The following SGCD variants were observed in gnomAD, a reference collection of about 807,000 sequenced individuals.
The protein encoded by SGCD is delta-sarcoglycan.
SGCD carries 18 observed loss-of-function variants against 36.6 expected under a neutral mutation model. The ratio of observed to expected loss-of-function variants is 0.49; its 90% CI spans 0.34 to 0.73. The LOEUF (loss-of-function observed/expected upper bound fraction) is 0.73. SGCD is among the 30% of genes least tolerant of loss of function. The probability of loss-of-function intolerance (pLI) is 0.01; values close to 1 mark genes in which losing one functional copy is unlikely to be tolerated. For missense variants in SGCD, 387 were observed against 346.7 expected (o/e 1.12, Z -0.92); for synonymous variants, 133 against 130.6 (o/e 1.02, Z -0.12).
intron 3 of SGCD, among the ~76,000 whole-genome samples, chr5:156,189,819 T>G (rs1381406639): frequency 1.3e-5 from 2 of 152,216 alleles, no homozygotes; most frequent in Non-Finnish European, 2.9e-5. Flanking sequence ...GACAGGAATT[T>G]TTTTTGAACA....
chr5:156,421,483 G>A (rs1773306084), intron 3 of SGCD, among the ~76,000 whole-genome samples: 1 of 152,068 alleles, frequency 6.6e-6, no homozygotes, highest in African/African-American at 2.4e-5. Flanking sequence ...CCATGGGTCA[G>A]CACAACTGTC....
chr5:155,901,664 C>G lies in SGCD; in HGVS notation c.-282+31240C>G, dbSNP rs566462951. On this transcript the variant is annotated intron_variant, in intron 1 of 9. Transcript: ENST00000517913. ...AAAAAGTTACCTTTAGTTTTTAAAACTGGCCTGACCTCACATATCTGAAAG... is the reference window on the plus strand; with the variant it reads ...AAAAAGTTACCTTTAGTTTTTAAAAGTGGCCTGACCTCACATATCTGAAAG... 2.4e-3 allele frequency among the ~76,000 whole-genome samples: 362 copies of G among 152,314 alleles called. 2 individuals are homozygous for G. The highest frequency in any genetic ancestry group is 1.8e-3 in the Non-Finnish European group (123 of 68,024).
the SGCD span, among the ~76,000 whole-genome samples, chr5:155,755,851 G>T: frequency 2.0e-4 from 30 of 152,296 alleles, no homozygotes; most frequent in East Asian, 4.6e-3. Context: ...TGTTAGATAG[G>T]TAGTGGGCAT....
At chr5:155,812,339 C>T in the SGCD span, among the ~76,000 whole-genome samples, 3 of 152,154 alleles carry the variant, frequency 2.0e-5, no homozygotes, top group South Asian at 2.1e-4. Flanking sequence ...CCTGACTGCA[C>T]GTCCATTCAT....
chr5:155,811,868 A>T, the SGCD span, among the ~76,000 whole-genome samples: 54 of 152,268 alleles, frequency 3.5e-4, no homozygotes, highest in Non-Finnish European at 5.9e-4. Flanking sequence ...TCACATGGGG[A>T]TGAAGTAATT....
At chr5:155,747,973 A>G in the SGCD span, among the ~76,000 whole-genome samples, 2 of 152,280 alleles carry the variant, frequency 1.3e-5, no homozygotes, top group African/African-American at 4.8e-5. Flanking sequence ...TGAACCTGTC[A>G]TTTTTGACCA....
intron 6 of SGCD, among the ~76,000 whole-genome samples, chr5:156,627,745 C>T (rs529979321): frequency 6.6e-6 from 1 of 152,182 alleles, no homozygotes; most frequent in African/African-American, 2.4e-5. Context: ...ATAATATTAA[C>T]AACAACTATG....
rs749273088 is a variant in SGCD, at chr5:156,508,678, C to T, written c.270C>T (p.Tyr90=). ...ACTCTGAATTCTTACAACCTCTCTA[C>T]GCCAAAGAAATCCAGTCCCGACCAG... ...EGDSEFLQPL[Y]AKEIQSRPGN... Residue 90 remains tyrosine, a synonymous_variant, in exon 4 of 9, where the codon TAC becomes TAT. Transcript: ENST00000337851. 1.7e-5 allele frequency: 27 copies of T among 1,605,914 alleles called. No homozygotes were observed. Among genetic ancestry groups the T allele is most frequent in the South Asian group, 6.7e-5 (6 of 89,952 alleles).
the SGCD span, among the ~76,000 whole-genome samples, chr5:155,807,884 A>G: frequency 6.6e-6 from 1 of 152,178 alleles, no homozygotes; most frequent in Non-Finnish European, 1.5e-5. Flanking sequence ...TTGGGGTAGG[A>G]TGGAGGAGGA....
At chr5:155,822,101 G>A in the SGCD span, among the ~76,000 whole-genome samples, 1 of 152,164 alleles carries the variant, frequency 6.6e-6, no homozygotes, top group Non-Finnish European at 1.5e-5. Flanking sequence ...TAGGTACACT[G>A]AGCATATGAC....
chr5:156,391,236 A>C (rs1377607223), intron 3 of SGCD, among the ~76,000 whole-genome samples: 1 of 152,260 alleles, frequency 6.6e-6, no homozygotes, highest in African/African-American at 2.4e-5. Context: ...TGCTATACAC[A>C]TTTATAGCCT....
At chr5:156,520,723 A>C (rs1757363656) in intron 4 of SGCD, among the ~76,000 whole-genome samples, 1 of 152,104 alleles carries the variant, frequency 6.6e-6, no homozygotes, top group Admixed American at 6.6e-5. Flanking sequence ...AGAACTTAGA[A>C]ATAAGACCAC....
intron 3 of SGCD, among the ~76,000 whole-genome samples, chr5:156,181,823 C>G (rs1436794536): frequency 6.6e-6 from 1 of 152,164 alleles, no homozygotes. Flanking sequence ...ATCCAGTTAG[C>G]AGATATTTCA....
At chr5:155,756,809 T>C in the SGCD span, among the ~76,000 whole-genome samples, 1 of 152,168 alleles carries the variant, frequency 6.6e-6, no homozygotes, top group East Asian at 1.9e-4. Flanking sequence ...CCACAAATAG[T>C]GAGTCTGAAA....
At chr5:156,240,444 A>G (rs1354204737) in intron 3 of SGCD, among the ~76,000 whole-genome samples, 2 of 152,142 alleles carry the variant, frequency 1.3e-5, no homozygotes, top group Non-Finnish European at 2.9e-5. Flanking sequence ...CCCTAGGGAG[A>G]TAAGCAGATG....
At chr5:156,015,600 T>G (rs1397425847) in intron 1 of SGCD, among the ~76,000 whole-genome samples, 1 of 151,772 alleles carries the variant, frequency 6.6e-6, no homozygotes, top group Non-Finnish European at 1.5e-5. Flanking sequence ...TACATATATA[T>G]GTATGCATGT....
chr5:155,969,470 G>A (rs1757966476), intron 1 of SGCD, among the ~76,000 whole-genome samples: 1 of 141,830 alleles, frequency 7.1e-6, no homozygotes, highest in African/African-American at 2.4e-5. Context: ...TAGCAATCAA[G>A]TTTTGGATCA....
intron 1 of SGCD, among the ~76,000 whole-genome samples, chr5:155,933,491 C>CT (rs1217205577): frequency 6.6e-6 from 1 of 152,136 alleles, no homozygotes; most frequent in Non-Finnish European, 1.5e-5. Flanking sequence ...ATTTCTACAG[C>CT]TTTTAGAACA....
chr5:155,763,993 A>T, the SGCD span, among the ~76,000 whole-genome samples: 1 of 152,128 alleles, frequency 6.6e-6, no homozygotes, highest in African/African-American at 2.4e-5. Context: ...AGAGAAACTT[A>T]AACTTTCATT....
Sources: allele counts gnomAD v4.1 joint callset (sites outside exome capture counted in the v4.1 genomes callset), GRCh38; gene constraint gnomAD v4.1.1; transcripts MANE v1.5; gene names NCBI Gene and HGNC (gene_info 2026-07-23, HGNC 2026-07-21).